Variants in MTX2 observed in about 807,000 individuals in gnomAD.
The protein encoded by MTX2 is metaxin-2.
A neutral mutation model predicts 42.3 loss-of-function variants in MTX2; 35 were observed. The ratio of observed to expected loss-of-function variants is 0.83; its 90% CI spans 0.63 to 1.10. The LOEUF is 1.10. Ranked by LOEUF, MTX2 falls within the 50% of genes least tolerant of loss-of-function variation. The pLI is 0.00. For missense variants in MTX2, 307 were observed against 304.1 expected, an observed-to-expected ratio of 1.01 and a Z score of -0.07; for synonymous variants, 119 against 100.9, an observed-to-expected ratio of 1.18 and a Z score of -1.08.
intron 3 of MTX2, among the ~76,000 whole-genome samples, chr2:176,308,601 C>T (rs1283843017): frequency 6.6e-6 from 1 of 152,126 alleles, no homozygotes; most frequent in Non-Finnish European, 1.5e-5. Context: ...GATTCAGCTT[C>T]TTCCTGGTTT....
At chr2:176,331,314 A>G (rs898419659) in intron 9 of MTX2, among the ~76,000 whole-genome samples, 2 of 151,140 alleles carry the variant, frequency 1.3e-5, no homozygotes, top group African/African-American at 4.8e-5. Context: ...ATATATCAGA[A>G]TCAGCTGTCC....
In MTX2 at chr2:176,326,940, A is replaced by G. The variant is rs763216075; in HGVS notation, c.285+39A>G. The G allele has an allele frequency of 1.1e-5, 13 of 1,220,890 alleles. No individual in the cohort carries two copies. The African/African-American group carries it at 1.1e-4, about 10-fold the overall frequency. 75.6% of individuals were successfully genotyped at this position (1,220,890 alleles called of 1,614,324 possible). ...ATTAAATGTATTTGATCAGTTACCA[A>G]GTCATTCATCATTCTTTAATGTGTC... On this transcript the variant is annotated intron_variant, in intron 5 of 9. Coordinates refer to ENST00000249442, the MANE Select transcript of MTX2 (RefSeq NM_006554.5).
chr2:176,274,837 G>A (rs1449794643), intron 1 of MTX2, among the ~76,000 whole-genome samples: 1 of 152,156 alleles, frequency 6.6e-6, no homozygotes, highest in Non-Finnish European at 1.5e-5. Context: ...AATTATATCA[G>A]CAGAATCTCT....
intron 3 of MTX2, among the ~76,000 whole-genome samples, chr2:176,310,700 T>G (rs1405934070): frequency 6.6e-6 from 1 of 152,164 alleles, no homozygotes; most frequent in Admixed American, 6.6e-5. Context: ...AGCTATTGAA[T>G]CTTGTGCATG....
chr2:176,296,888 A>T lies in MTX2; in HGVS notation c.69A>T (p.Thr23=). 6.2e-7 allele frequency: 1 copy of T among 1,613,556 alleles called. No homozygotes were observed. Among genetic ancestry groups the T allele is most frequent in the Admixed American group, 1.7e-5 (1 of 60,010 alleles). ...AAAEPWPENA[T]LYQQLKGEQI... ...CAGAACCTTGGCCTGAAAATGCTAC[A>T]TTATATCAGCAATTGAAAGGTAAGT... Residue 23 remains threonine (T), a synonymous_variant, in exon 2 of 10, where the codon ACA becomes ACT. Coordinates refer to ENST00000249442, the MANE Select transcript of MTX2 (RefSeq NM_006554.5).
At chr2:176,335,526 A>G (rs1266328904) in intron 9 of MTX2, among the ~76,000 whole-genome samples, 2 of 152,086 alleles carry the variant, frequency 1.3e-5, no homozygotes, top group African/African-American at 2.4e-5. Context: ...TTAGGAGGCT[A>G]TCTCAGTGGT....
At position 176,337,507 on chromosome 2, in the gene MTX2, ACGC is replaced by A; in HGVS notation, c.636_638del (p.Asp212_Ala213delinsGlu). On this transcript the variant is annotated inframe_deletion, in exon 10 of 10. Coordinates refer to ENST00000249442, the MANE Select transcript of MTX2 (RefSeq NM_006554.5). ...TCTACTTTTAGGCCTACTGAACTTGACGCACTGGTATTTGGCCATCTATACACC... is the reference window on the plus strand; with the variant it reads ...TCTACTTTTAGGCCTACTGAACTTGAACTGGTATTTGGCCATCTATACACC... 7 of 1,603,312 alleles carry A rather than the reference ACGC, an allele frequency of 4.4e-6. No homozygotes were observed. Among genetic ancestry groups the A allele is most frequent in the Non-Finnish European group, 6.0e-6 (7 of 1,175,080 alleles).
At chr2:176,327,317 A>G (rs1350659749) in intron 5 of MTX2, among the ~76,000 whole-genome samples, 2 of 151,038 alleles carry the variant, frequency 1.3e-5, no homozygotes, top group Admixed American at 1.3e-4. Context: ...TCTGCTTTTC[A>G]TTTATTCAGT....
chr2:176,323,032 G>A (rs1018458491), intron 3 of MTX2, among the ~76,000 whole-genome samples: 2 of 151,746 alleles, frequency 1.3e-5, no homozygotes, highest in Non-Finnish European at 3.0e-5. Context: ...GCAATTAATA[G>A]CTTATAAAAT....
chr2:176,289,570 C>T (rs2105406378), intron 1 of MTX2, among the ~76,000 whole-genome samples: 1 of 152,000 alleles, frequency 6.6e-6, no homozygotes, highest in South Asian at 2.1e-4. Flanking sequence ...TTTTTATCTG[C>T]AGTATAGGGA....
intron 9 of MTX2, 65 bp downstream of exon 9, chr2:176,330,725 A>C: frequency 9.3e-7 from 1 of 1,076,598 alleles, no homozygotes; most frequent in East Asian, 2.4e-5. Context: ...TCTTTTTTTC[A>C]TAAAAGAATT....
At chr2:176,292,387 G>T (rs1411150880) in intron 1 of MTX2, among the ~76,000 whole-genome samples, 1 of 152,088 alleles carries the variant, frequency 6.6e-6, no homozygotes, top group African/African-American at 2.4e-5. Flanking sequence ...AAATGCCACA[G>T]ATTTTTAAAA....
At chr2:176,272,117 CATT>C (rs1692828605) in intron 1 of MTX2, among the ~76,000 whole-genome samples, 1 of 152,094 alleles carries the variant, frequency 6.6e-6, no homozygotes, top group Non-Finnish European at 1.5e-5. Context: ...ATCTGGAGGA[CATT>C]ATGCTAAATG....
At position 176,328,608 on chromosome 2, in the gene MTX2, C is replaced by G. The variant is rs193115679; in HGVS notation, c.378+223C>G. ...TAAAAAGGAGTGATTCTTGCCTACTCATTATTTTACTTTGGCCTTTTGAAA... is the reference window on the plus strand; with the variant it reads ...TAAAAAGGAGTGATTCTTGCCTACTGATTATTTTACTTTGGCCTTTTGAAA... On this transcript the variant is annotated intron_variant, in intron 6 of 9. Coordinates refer to ENST00000249442, the MANE Select transcript of MTX2 (RefSeq NM_006554.5). Among the ~76,000 whole-genome samples, 4 of 151,308 alleles carry G rather than the reference C, an allele frequency of 2.6e-5. No individual in the cohort carries two copies. In the East Asian group the frequency reaches 7.7e-4, roughly 29 times the overall value.
chr2:176,292,226 G>A lies in MTX2; in HGVS notation c.41-4634G>A, dbSNP rs868732650. Among the ~76,000 whole-genome samples, 4 of 152,256 alleles carry A rather than the reference G, an allele frequency of 2.6e-5. No homozygotes were observed. The South Asian group carries it at 8.3e-4, about 32-fold the overall frequency. The stretch of plus-strand genomic sequence containing the variant: ...TTAAAATGGCACTTCACACCAGGGT[G>A]ATAGAAACTGAAAATAGGTAGAGTA... On this transcript the variant is annotated intron_variant, in intron 1 of 9. Transcript: ENST00000249442.
At chr2:176,281,861 G>A (rs1223150383) in intron 1 of MTX2, among the ~76,000 whole-genome samples, 3 of 152,190 alleles carry the variant, frequency 2.0e-5, no homozygotes, top group South Asian at 4.2e-4. Context: ...AGCTAGTGAT[G>A]CCTGCTCGAA....
At chr2:176,317,354 C>T (rs184395775) in intron 3 of MTX2, among the ~76,000 whole-genome samples, 2 of 152,234 alleles carry the variant, frequency 1.3e-5, no homozygotes, top group East Asian at 3.9e-4. Context: ...AGTAAGTGCT[C>T]AGTAAATATT....
At chr2:176,284,058 G>A (rs544430733) in intron 1 of MTX2, among the ~76,000 whole-genome samples, 8 of 151,356 alleles carry the variant, frequency 5.3e-5, no homozygotes, top group Non-Finnish European at 1.2e-4. Flanking sequence ...ATCATATGTA[G>A]TTGGCCTGCT....
At chr2:176,276,580 TA>T (rs1692950532) in intron 1 of MTX2, among the ~76,000 whole-genome samples, 1 of 152,078 alleles carries the variant, frequency 6.6e-6, no homozygotes, top group Admixed American at 6.6e-5. Context: ...AAGGGGATAA[TA>T]TATTTATAAT....
Sources: gnomAD v4.1 joint callset for allele counts (sites outside exome capture counted in the v4.1 genomes callset) on GRCh38, gnomAD v4.1.1 for gene constraint, MANE v1.5 for transcripts, NCBI Gene and HGNC (gene_info 2026-07-23, HGNC 2026-07-21) for gene names.